SLC22A13: variants seen among roughly 807,000 people sequenced by gnomAD.
The protein encoded by SLC22A13 is organic anion transporter 10.
In SLC22A13, 42 loss-of-function variants were observed where a neutral mutation model predicts 49.1. The observed-to-expected ratio is 0.85, with a 90% CI of 0.67 to 1.11. The LOEUF (loss-of-function observed/expected upper bound fraction) is 1.11, where lower values mean the gene tolerates loss of function less well. Ranked by LOEUF, SLC22A13 falls within the 50% of genes least tolerant of loss-of-function variation. The pLI is 0.00. For synonymous variants in SLC22A13, 282 were observed against 293.1 expected, an observed-to-expected ratio of 0.96 and a Z score of 0.39; for missense variants, 694 against 712.8, an observed-to-expected ratio of 0.97 and a Z score of 0.30.
chr3:38,275,186 C>G (rs766613793), intron 4 of SLC22A13, 29 bp downstream of exon 4: 1 of 1,612,454 alleles, frequency 6.2e-7, no homozygotes, highest in Non-Finnish European at 8.5e-7. Context: ...AGGAGCAAGC[C>G]CCCCCAGGTT....
intron 1 of SLC22A13, chr3:38,270,593 C>T (rs1703509837): frequency 5.8e-6 from 1 of 173,772 alleles, no homozygotes; most frequent in African/African-American, 2.4e-5. Context: ...ACCCTCTTGC[C>T]CAGAAGTGTC....
At chr3:38,269,388 G>T (rs1703496075) in intron 1 of SLC22A13, among the ~76,000 whole-genome samples, 1 of 151,998 alleles carries the variant, frequency 6.6e-6, no homozygotes, top group African/African-American at 2.4e-5. Context: ...CTATCAAGTA[G>T]CTGGGACTAC....
In SLC22A13 at chr3:38,277,052, G is replaced by A; in HGVS notation, c.1487G>A (p.Cys496Tyr). Residue 496 changes from cysteine (C) to tyrosine (Y), a missense_variant, in exon 9 of 10, where the codon TGC becomes TAC. Physicochemically the swap from Cys to Tyr is radical, Grantham distance 194. Coordinates refer to ENST00000311856, the MANE Select transcript of SLC22A13 (RefSeq NM_004256.4). ...CTCCCCATCGTGGCCGGCCTGCTGTGCACCCTGCTGCCAGAGACGCATGGC... is the reference window on the plus strand; with the variant it reads ...CTCCCCATCGTGGCCGGCCTGCTGTACACCCTGCTGCCAGAGACGCATGGC... ...GSLPIVAGLLCTLLPETHGQG... is the reference protein window; with the variant it reads ...GSLPIVAGLLYTLLPETHGQG... 1 of 1,594,162 alleles carries A rather than the reference G, an allele frequency of 6.3e-7. No homozygotes were observed. Among genetic ancestry groups the A allele is most frequent in the Non-Finnish European group, 8.5e-7 (1 of 1,170,412 alleles).
chr3:38,275,048 T>C lies in SLC22A13; in HGVS notation c.697T>C (p.Phe233Leu). 1 of 1,614,226 alleles carries C rather than the reference T, an allele frequency of 6.2e-7. No homozygotes were observed. The highest frequency in any genetic ancestry group is 8.5e-7 in the Non-Finnish European group (1 of 1,180,016). ...TQAVVLAQCN[F>L]SLGQMVLAGL... is the part of the protein sequence containing the mutation. ...GGCCGTGGTCCTGGCCCAGTGCAAC[T>C]TCTCCCTCGGGCAGATGGTGCTTGC... Residue 233 changes from phenylalanine (F) to leucine (L), a missense_variant, in exon 4 of 10, where the codon TTC becomes CTC. Physicochemically the swap from Phe to Leu is conservative, Grantham distance 22 (BLOSUM62 0). Coordinates refer to ENST00000311856, the MANE Select transcript of SLC22A13 (RefSeq NM_004256.4).
In SLC22A13 at chr3:38,275,020, G is replaced by A. The variant is rs557635506; in HGVS notation, c.669G>A (p.Thr223=). 2.8e-5 allele frequency: 45 copies of A among 1,614,206 alleles called. No homozygotes were observed. In the South Asian group the frequency reaches 4.4e-4, roughly 16 times the overall value. ...LTEWVGPSWR[T]QAVVLAQCNF... ...AATGGGTGGGGCCCTCATGGAGGAC[G>A]CAGGCCGTGGTCCTGGCCCAGTGCA... The change falls in exon 4 of 10, where the codon ACG becomes ACA. Residue 223 remains threonine (T), a synonymous_variant. Coordinates refer to ENST00000311856, the MANE Select transcript of SLC22A13 (RefSeq NM_004256.4).
Position 38,277,616 on chromosome 3 carries a change from C to A in SLC22A13, c.*151C>A. 1 of 569,742 alleles carries A rather than the reference C, an allele frequency of 1.8e-6. No homozygotes were observed. Among genetic ancestry groups the A allele is most frequent in the Non-Finnish European group, 3.1e-6 (1 of 319,688 alleles). The allele number at this position is 569,742 out of a possible 1,614,324, so 35.3% of individuals were successfully genotyped here. On this transcript the variant is annotated 3_prime_UTR_variant, in exon 10 of 10. Transcript: ENST00000311856. ...CTGGCCCATGGCTGTCACCTCCTGCCGAGTCCAATCCCAGACTGGGAACCA... is the reference window on the plus strand; with the variant it reads ...CTGGCCCATGGCTGTCACCTCCTGCAGAGTCCAATCCCAGACTGGGAACCA...
In SLC22A13 at chr3:38,277,530, C is replaced by A; in HGVS notation, c.*65C>A. On this transcript the variant is annotated 3_prime_UTR_variant, in exon 10 of 10. Transcript: ENST00000311856. ...TGCCTAAACACCTCCTTGGATATGG[C>A]CAGGACCCACAGGGACACAGGGCAA... 8.1e-7 allele frequency: 1 copy of A among 1,233,440 alleles called. No individual in the cohort carries two copies. The highest frequency in any genetic ancestry group is 1.2e-6 in the Non-Finnish European group (1 of 849,258). 76.4% of individuals were successfully genotyped at this position (1,233,440 alleles called of 1,614,324 possible).
chr3:38,276,394 C>T lies in SLC22A13; in HGVS notation c.1345C>T (p.Arg449Trp), dbSNP rs199524681. 5.9e-5 allele frequency: 95 copies of T among 1,602,328 alleles called. No homozygotes were observed. The highest frequency in any genetic ancestry group is 9.4e-5 in the African/African-American group (7 of 74,726). The part of the protein sequence containing the change: ...YSAELFPTIL[R>W]QTGMGLVGIF... ...TGCCGAGCTTTTCCCCACCATCCTCCGGTAAGAGCTGCAGTGTGACTCCTG... is the reference window on the plus strand; with the variant it reads ...TGCCGAGCTTTTCCCCACCATCCTCTGGTAAGAGCTGCAGTGTGACTCCTG... Residue 449 changes from arginine to tryptophan, a missense_variant and splice_region_variant, in exon 8 of 10, where the codon CGG (arginine) becomes TGG (tryptophan). Arg to Trp is a moderately radical substitution (Grantham distance 101). Transcript: ENST00000311856.
At position 38,277,124 on chromosome 3, in the gene SLC22A13, C is replaced by T. The variant is rs371240370; in HGVS notation, c.1559C>T (p.Pro520Leu). The change falls in exon 9 of 10, where the codon CCA becomes CTA. Residue 520 changes from proline (P) to leucine (L), a missense_variant. Pro to Leu is a moderately conservative substitution (Grantham distance 98). Transcript: ENST00000311856. ...CAGGACCTGGAGCTGGGGCCTCACC[C>T]ACGGTGAGCTGCTTGCTTGCACTGA... ...TLQDLELGPH[P>L]RSPKSVPSEK... 14 of 1,556,210 alleles carry T rather than the reference C, an allele frequency of 9.0e-6. No homozygotes were observed. The African/African-American group carries it at 1.9e-4, about 21-fold the overall frequency.
At position 38,275,642 on chromosome 3, in the gene SLC22A13, G is replaced by A. The variant is rs201552335; in HGVS notation, c.992G>A (p.Arg331Gln). Residue 331 changes from arginine to glutamine, a missense_variant, in exon 6 of 10, where the codon CGG becomes CAG. Transcript: ENST00000311856. ...ALDLFRHPQL[R>Q]KVTLIIFCVW... is the part of the protein sequence containing the mutation. ...GATCTGTTCAGACACCCCCAGCTCCGGAAGGTGACCCTGATTATCTTCTGT... is the reference window on the plus strand; with the variant it reads ...GATCTGTTCAGACACCCCCAGCTCCAGAAGGTGACCCTGATTATCTTCTGT... 36 of 1,614,136 alleles carry A rather than the reference G, an allele frequency of 2.2e-5. No homozygotes were observed. The highest frequency in any genetic ancestry group is 5.0e-5 in the Admixed American group (3 of 60,018).
rs1703489543 is a variant in SLC22A13 at position 38,268,886 on chromosome 3, G to T, written c.378+2648G>T. On this transcript the variant is annotated intron_variant, in intron 1 of 9. Transcript: ENST00000311856. ...TCCTCCCTTTAAGGACTGTCCACTGGTTAATAAATTTTTTAAAAGACTAAA... is the reference window on the plus strand; with the variant it reads ...TCCTCCCTTTAAGGACTGTCCACTGTTTAATAAATTTTTTAAAAGACTAAA... Among the ~76,000 whole-genome samples the T allele has an allele frequency of 2.0e-5, 3 of 151,800 alleles. No individual in the cohort carries two copies. The Admixed American group carries it at 2.0e-4, about 10-fold the overall frequency.
Position 38,277,657 on chromosome 3 carries a change from C to A in SLC22A13, c.*192C>A. On this transcript the variant is annotated 3_prime_UTR_variant, in exon 10 of 10. Coordinates refer to ENST00000311856, the MANE Select transcript of SLC22A13 (RefSeq NM_004256.4). ...CTGGGAACCACCATCTGAGACAGGA[C>A]CTCCCGGCCTCCTTCACCTTTCTCA... 1 of 518,946 alleles carries A rather than the reference C, an allele frequency of 1.9e-6. No individual in the cohort carries two copies. 32.1% of individuals were successfully genotyped at this position (518,946 alleles called of 1,614,324 possible).
intron 1 of SLC22A13, among the ~76,000 whole-genome samples, chr3:38,271,219 A>G (rs1475796804): frequency 2.0e-5 from 3 of 152,192 alleles, no homozygotes; most frequent in Non-Finnish European, 2.9e-5. Flanking sequence ...TGAAGGTCAG[A>G]ATATGTTTCT....
intron 4 of SLC22A13, 41 bp from the exon 5 acceptor site, chr3:38,275,329 G>A: frequency 1.2e-6 from 2 of 1,612,526 alleles, no homozygotes; most frequent in Non-Finnish European, 1.7e-6. Context: ...AAGCTCCCTA[G>A]GACTCCAGGC....
At position 38,274,364 on chromosome 3, in the gene SLC22A13, C is replaced by A; in HGVS notation, c.471C>A (p.Pro157=). 1 of 1,613,852 alleles carries A rather than the reference C, an allele frequency of 6.2e-7. No homozygotes were observed. The highest frequency in any genetic ancestry group is 8.5e-7 in the Non-Finnish European group (1 of 1,179,708). ...TTGTTGGCACCCTCATGTTTGGGCC[C>A]CTCTGCGACCGGTAAGAACCTTGCC... The part of the protein sequence containing the change: ...GLLVGTLMFG[P]LCDRIGRKAT... The change falls in exon 2 of 10, where the codon CCC becomes CCA. Residue 157 remains proline, a synonymous_variant. Transcript: ENST00000311856.
Position 38,277,444 on chromosome 3 carries a change from T to A in SLC22A13, c.1635T>A (p.Phe545Leu). 1 of 1,613,954 alleles carries A rather than the reference T, an allele frequency of 6.2e-7. No homozygotes were observed. The highest frequency in any genetic ancestry group is 2.2e-5 in the East Asian group (1 of 44,888). The change falls in exon 10 of 10, where the codon TTT (phenylalanine) becomes TTA (leucine). Residue 545 changes from phenylalanine to leucine, a missense_variant. Coordinates refer to ENST00000311856, the MANE Select transcript of SLC22A13 (RefSeq NM_004256.4). ...GAACTTCCAGCCCGGGAGTGGCCTT[T>A]GTGAGCAGCACATACTTCTGATTGA... ...KGRTSSPGVA[F>L]VSSTYF
At chr3:38,267,055 A>G (rs969177608) in intron 1 of SLC22A13, among the ~76,000 whole-genome samples, 1 of 152,244 alleles carries the variant, frequency 6.6e-6, no homozygotes, top group African/African-American at 2.4e-5. Flanking sequence ...CAGCACAGAT[A>G]GTCCAGAAAC....
chr3:38,265,993 G>C lies in SLC22A13; in HGVS notation c.133G>C (p.Asp45His). ...YFFAHVFMVL[D>H]EPHHCAVAWV... ...TTTTGCCCATGTCTTCATGGTCCTA[G>C]ATGAGCCCCACCACTGTGCAGTGGC... The change falls in exon 1 of 10, where the codon GAT becomes CAT. Residue 45 changes from aspartate to histidine, a missense_variant. Transcript: ENST00000311856. The C allele has an allele frequency of 6.2e-7, 1 of 1,614,144 alleles. No homozygotes were observed. Among genetic ancestry groups the C allele is most frequent in the Non-Finnish European group, 8.5e-7 (1 of 1,180,052 alleles).
In SLC22A13 at chr3:38,278,541, T is replaced by G. The variant is rs868809238; in HGVS notation, c.*1076T>G. Among the ~76,000 whole-genome samples, 16 of 152,120 alleles carry G rather than the reference T, an allele frequency of 1.1e-4. No individual in the cohort carries two copies. Among genetic ancestry groups the G allele is most frequent in the Admixed American group, 9.8e-4 (15 of 15,280 alleles). ...ACCCAACCAAGATGGCCTTCTTGGCTGGGCGTGGTGGTTCATGCCTGTAAT... is the reference window on the plus strand; with the variant it reads ...ACCCAACCAAGATGGCCTTCTTGGCGGGGCGTGGTGGTTCATGCCTGTAAT... On this transcript the variant is annotated 3_prime_UTR_variant, in exon 10 of 10. Transcript: ENST00000311856.
Sources: gnomAD v4.1 joint callset for allele counts (sites outside exome capture counted in the v4.1 genomes callset) on GRCh38, gnomAD v4.1.1 for gene constraint, MANE v1.5 for transcripts, NCBI Gene and HGNC (gene_info 2026-07-23, HGNC 2026-07-21) for gene names.